Variants in CTH observed in about 807,000 individuals in gnomAD.
CTH encodes cystathionine gamma-lyase, also known as cystathionase (cystathionine gamma-lyase).
A neutral mutation model predicts 50.6 loss-of-function variants in CTH; 41 were observed. The ratio of observed to expected loss-of-function variants is 0.81; its 90% CI spans 0.63 to 1.05. CTH has a LOEUF of 1.05. Ranked by LOEUF, CTH falls within the 50% of genes least tolerant of loss-of-function variation. The probability of loss-of-function intolerance (pLI) is 0.00; values close to 1 mark genes in which losing one functional copy is unlikely to be tolerated. For synonymous variants in CTH, 156 were observed against 168.9 expected, an observed-to-expected ratio of 0.92 and a Z score of 0.59; for missense variants, 470 against 492.6, an observed-to-expected ratio of 0.95 and a Z score of 0.43.
At chr1:70,421,824 C>T (rs1684229000) in intron 4 of CTH, 149 bp downstream of exon 4, 1 of 788,678 alleles carries the variant, frequency 1.3e-6, no homozygotes, top group Non-Finnish European at 2.1e-6. Context: ...AGACTGTCAT[C>T]TCCGGGGTGT....
chr1:70,434,004 A>G (rs1426847541), intron 9 of CTH, 55 bp downstream of exon 9: 10 of 1,607,366 alleles, frequency 6.2e-6, no homozygotes, highest in African/African-American at 2.7e-5. Flanking sequence ...ACAGCAGTTC[A>G]CTATCTCTCA....
chr1:70,416,095 T>A, intron 2 of CTH, 58 bp downstream of exon 2: 2 of 1,008,564 alleles, frequency 2.0e-6, no homozygotes, highest in Non-Finnish European at 3.2e-6. Flanking sequence ...GAGAAAACCA[T>A]AGAGGCACAG....
At chr1:70,439,057 C>T (rs886764325) in intron 11 of CTH, 44 bp from the exon 12 acceptor site, 1 of 1,572,658 alleles carries the variant, frequency 6.4e-7, no homozygotes, top group Non-Finnish European at 8.8e-7. Context: ...AAGCTATGGC[C>T]TATATGTTTA....
chr1:70,430,041 G>A (rs1684429972), intron 6 of CTH, among the ~76,000 whole-genome samples, 190 bp downstream of exon 6: 1 of 152,142 alleles, frequency 6.6e-6, no homozygotes, highest in Non-Finnish European at 1.5e-5. Flanking sequence ...CATGATTTAT[G>A]AGAAGAGGAT....
chr1:70,425,208 CTTA>C (rs1572261946), intron 5 of CTH, among the ~76,000 whole-genome samples: 2 of 152,166 alleles, frequency 1.3e-5, no homozygotes, highest in African/African-American at 4.8e-5. Flanking sequence ...ATCTCTTTAA[CTTA>C]TTATTATTTT....
intron 8 of CTH, among the ~76,000 whole-genome samples, chr1:70,432,624 T>A (rs1237812820): frequency 6.6e-6 from 1 of 152,146 alleles, no homozygotes; most frequent in Non-Finnish European, 1.5e-5. Flanking sequence ...TGATAGAGGT[T>A]TGTCCCAGTT....
intron 4 of CTH, among the ~76,000 whole-genome samples, chr1:70,423,218 A>G (rs1408474763): frequency 6.6e-6 from 1 of 152,066 alleles, no homozygotes; most frequent in Non-Finnish European, 1.5e-5. Flanking sequence ...TTTCCAGAGT[A>G]AAACTCTAAA....
intron 5 of CTH, among the ~76,000 whole-genome samples, chr1:70,426,947 G>C (rs992245171): frequency 1.3e-5 from 2 of 152,106 alleles, no homozygotes; most frequent in Non-Finnish European, 2.9e-5. Context: ...TCCTATTACT[G>C]TCACTAACAT....
chr1:70,418,288 C>T (rs1684137503), intron 3 of CTH, among the ~76,000 whole-genome samples: 1 of 152,158 alleles, frequency 6.6e-6, no homozygotes, highest in African/African-American at 2.4e-5. Context: ...CTCACTCTGT[C>T]ACCCGGGTTG....
chr1:70,424,272 T>A lies in CTH; in HGVS notation c.457-13T>A, dbSNP rs1180645873. On this transcript the variant is annotated splice_polypyrimidine_tract_variant and intron_variant, in intron 4 of 11. Transcript: ENST00000370938. ...ATTTTTACAAACTACTGTTATTTGC[T>A]GAATTATTTTAGCTTGTTTGGATCG... is the stretch of plus-strand genomic sequence containing the variant. 2 of 1,613,898 alleles carry A rather than the reference T, an allele frequency of 1.2e-6. No homozygotes were observed. The highest frequency in any genetic ancestry group is 1.7e-6 in the Non-Finnish European group (2 of 1,179,930).
Position 70,420,512 on chromosome 1 carries a change from G to C in CTH, c.347-1054G>C, listed in dbSNP as rs184911964. 1.7e-3 allele frequency among the ~76,000 whole-genome samples: 255 copies of C among 152,216 alleles called. No homozygotes were observed. The Middle Eastern group carries it at 0.027, about 16-fold the overall frequency. On this transcript the variant is annotated intron_variant, in intron 3 of 11. Coordinates refer to ENST00000370938, the MANE Select transcript of CTH (RefSeq NM_001902.6). ...CCTCCTGTGAGAATCTGATGCTGCC[G>C]CTGATTTGACAGGAGACTGAGCTCA... is the stretch of plus-strand genomic sequence containing the variant.
intron 1 of CTH, among the ~76,000 whole-genome samples, chr1:70,413,584 T>C (rs949940581): frequency 6.6e-6 from 1 of 151,504 alleles, no homozygotes; most frequent in African/African-American, 2.4e-5. Flanking sequence ...CTTTCAAACA[T>C]GCAGTTCGTT....
intron 1 of CTH, among the ~76,000 whole-genome samples, chr1:70,413,736 TA>T (rs905517120): frequency 2.2e-4 from 32 of 143,370 alleles, no homozygotes; most frequent in African/African-American, 8.5e-4. Context: ...CTCTGCTTAA[TA>T]TCTTTTTTTT....
At chr1:70,422,834 A>G (rs1487937365) in intron 4 of CTH, among the ~76,000 whole-genome samples, 1 of 149,832 alleles carries the variant, frequency 6.7e-6, no homozygotes, top group Non-Finnish European at 1.5e-5. Context: ...CTGATCTTGA[A>G]CTCCTGACCT....
intron 2 of CTH, 59 bp from the exon 3 acceptor site, chr1:70,417,878 G>T: frequency 1.3e-6 from 2 of 1,580,284 alleles, no homozygotes; most frequent in Non-Finnish European, 1.7e-6. Context: ...ATACTTGGAG[G>T]TGTGTTGTAA....
At chr1:70,433,361 A>G (rs974061383) in intron 8 of CTH, among the ~76,000 whole-genome samples, 1 of 152,186 alleles carries the variant, frequency 6.6e-6, no homozygotes, top group Non-Finnish European at 1.5e-5. Flanking sequence ...AATGGGCAGC[A>G]TTGGTTAAAA....
intron 5 of CTH, 64 bp from the exon 6 acceptor site, chr1:70,429,730 A>T (rs1355672650): frequency 1.8e-6 from 2 of 1,099,356 alleles, no homozygotes; most frequent in Non-Finnish European, 2.8e-6. Flanking sequence ...AATTGCAAAT[A>T]GGCAGGTAAT....
chr1:70,438,043 G>A (rs917552479), intron 10 of CTH, among the ~76,000 whole-genome samples: 2 of 152,074 alleles, frequency 1.3e-5, no homozygotes, highest in African/African-American at 4.8e-5. Flanking sequence ...ATTCTTCTTG[G>A]TTTCCCAATT....
At chr1:70,432,447 G>A (rs976516562) in intron 8 of CTH, among the ~76,000 whole-genome samples, 4 of 152,150 alleles carry the variant, frequency 2.6e-5, no homozygotes, top group African/African-American at 9.7e-5. Context: ...CTAGTTTAGT[G>A]GATGCTTGGA....
Sources: gnomAD v4.1 joint callset for allele counts (sites outside exome capture counted in the v4.1 genomes callset) on GRCh38, gnomAD v4.1.1 for gene constraint, MANE v1.5 for transcripts, NCBI Gene and HGNC (gene_info 2026-07-23, HGNC 2026-07-21) for gene names.